The following RAP1GDS1 variants were observed in gnomAD, a reference collection of about 807,000 sequenced individuals.
The protein encoded by RAP1GDS1 is Rap1 GTPase-GDP dissociation stimulator 1.
Under a neutral mutation model 71.1 loss-of-function variants are expected in RAP1GDS1, and 35 were observed. The observed-to-expected ratio is 0.49, with a 90% CI of 0.38 to 0.65. The LOEUF (loss-of-function observed/expected upper bound fraction) is 0.65. RAP1GDS1 is among the 30% of genes least tolerant of loss of function. The pLI is 0.00. For synonymous variants in RAP1GDS1, 229 were observed against 243.1 expected, an observed-to-expected ratio of 0.94 and a Z score of 0.54; for missense variants, 663 against 706.1, an observed-to-expected ratio of 0.94 and a Z score of 0.69.
intron 5 of RAP1GDS1, among the ~76,000 whole-genome samples, chr4:98,389,605 C>G (rs1743299956): frequency 6.6e-6 from 1 of 152,148 alleles, no homozygotes; most frequent in African/African-American, 2.4e-5. Context: ...TGAATTATGG[C>G]AATACCTACA....
chr4:98,431,172 C>G (rs1447573496), intron 12 of RAP1GDS1, among the ~76,000 whole-genome samples: 1 of 152,134 alleles, frequency 6.6e-6, no homozygotes, highest in African/African-American at 2.4e-5. Flanking sequence ...CTTGTTTAAA[C>G]AAATGTATTT....
chr4:98,424,754 C>T (rs2110200329), intron 12 of RAP1GDS1, among the ~76,000 whole-genome samples: 1 of 128,500 alleles, frequency 7.8e-6, no homozygotes, highest in South Asian at 2.4e-4. Flanking sequence ...GAGCAAGACT[C>T]CCAAGACTCT....
chr4:98,355,845 G>C (rs771397486), intron 4 of RAP1GDS1, among the ~76,000 whole-genome samples: 8 of 152,226 alleles, frequency 5.3e-5, no homozygotes, highest in Non-Finnish European at 1.5e-5. Flanking sequence ...ACCGCTAAAT[G>C]GGACGGAGTA....
chr4:98,273,355 T>C (rs1003684372), intron 1 of RAP1GDS1, among the ~76,000 whole-genome samples: 2 of 152,154 alleles, frequency 1.3e-5, no homozygotes, highest in Non-Finnish European at 2.9e-5. Flanking sequence ...AAAACTGCAG[T>C]TATGTTGCGC....
chr4:98,331,923 A>G (rs868063632), intron 2 of RAP1GDS1, among the ~76,000 whole-genome samples: 18 of 152,200 alleles, frequency 1.2e-4, no homozygotes, highest in Non-Finnish European at 2.2e-4. Flanking sequence ...GTAATAATCA[A>G]AAGACTTCAA....
chr4:98,427,405 G>T (rs1047680646), intron 12 of RAP1GDS1, among the ~76,000 whole-genome samples: 1 of 152,014 alleles, frequency 6.6e-6, no homozygotes, highest in African/African-American at 2.4e-5. Flanking sequence ...CATCCACATC[G>T]GTAAAGAGGA....
chr4:98,397,798 T>C (rs1234729096), intron 6 of RAP1GDS1, among the ~76,000 whole-genome samples: 1 of 152,166 alleles, frequency 6.6e-6, no homozygotes, highest in Non-Finnish European at 1.5e-5. Flanking sequence ...AGAGGGTTTC[T>C]TGATGGAGGA....
At chr4:98,293,663 C>A in intron 2 of RAP1GDS1, 148 bp downstream of exon 2, 1 of 656,998 alleles carries the variant, frequency 1.5e-6, no homozygotes, top group South Asian at 2.0e-5. Flanking sequence ...GATTGTTTTA[C>A]ATGTTCTACC....
intron 5 of RAP1GDS1, among the ~76,000 whole-genome samples, chr4:98,386,023 C>T (rs1742691288): frequency 6.6e-6 from 1 of 151,302 alleles, no homozygotes; most frequent in Non-Finnish European, 1.5e-5. Flanking sequence ...TTAATAAATG[C>T]TGCTTAAGCA....
intron 12 of RAP1GDS1, 152 bp downstream of exon 12, chr4:98,421,546 T>C (rs757242988): frequency 3.6e-6 from 3 of 835,760 alleles, no homozygotes; most frequent in Non-Finnish European, 4.9e-6. Flanking sequence ...AGCTGATACA[T>C]GGGATATAGG....
At chr4:98,311,494 G>A (rs1329185741) in intron 2 of RAP1GDS1, among the ~76,000 whole-genome samples, 1 of 152,140 alleles carries the variant, frequency 6.6e-6, no homozygotes, top group Admixed American at 6.5e-5. Flanking sequence ...GAACACCGTA[G>A]GAAAAATCTT....
Position 98,377,171 on chromosome 4 carries a change from A to T in RAP1GDS1, c.362-1846A>T, listed in dbSNP as rs75222468. Among the ~76,000 whole-genome samples, 33 of 151,998 alleles carry T rather than the reference A, an allele frequency of 2.2e-4. No individual in the cohort carries two copies. The East Asian group carries it at 6.2e-3, about 28-fold the overall frequency. On this transcript the variant is annotated intron_variant, in intron 4 of 14. Transcript: ENST00000408927. ...TCTAAGTAAGTCCTAAGCATACATGATTTATATTTCAAAAGCCCAGTTTAC... is the reference window on the plus strand; with the variant it reads ...TCTAAGTAAGTCCTAAGCATACATGTTTTATATTTCAAAAGCCCAGTTTAC...
chr4:98,321,846 A>G (rs1339342927), intron 2 of RAP1GDS1, among the ~76,000 whole-genome samples: 1 of 115,862 alleles, frequency 8.6e-6, no homozygotes, highest in African/African-American at 3.4e-5. Context: ...CGAGACTAGG[A>G]AGAAACTGCA....
intron 2 of RAP1GDS1, among the ~76,000 whole-genome samples, chr4:98,296,747 A>G (rs1199735784): frequency 6.6e-6 from 1 of 152,180 alleles, no homozygotes; most frequent in Non-Finnish European, 1.5e-5. Flanking sequence ...ATGTAAAACA[A>G]TAGGCCACCT....
intron 4 of RAP1GDS1, among the ~76,000 whole-genome samples, chr4:98,356,800 G>C (rs41525749): frequency 0.046 from 6,972 of 151,982 alleles, 396 homozygotes; most frequent in African/African-American, 0.13. Flanking sequence ...AAATGAGGTA[G>C]TAATCAGTCT....
At chr4:98,412,480 G>A (rs748644917) in intron 7 of RAP1GDS1, among the ~76,000 whole-genome samples, 106 of 152,100 alleles carry the variant, frequency 7.0e-4, no homozygotes, top group Non-Finnish European at 1.2e-3. Context: ...ATACCACTGC[G>A]CTCCAGCCTG....
chr4:98,343,620 A>G (rs1735808117), intron 3 of RAP1GDS1, among the ~76,000 whole-genome samples: 1 of 152,154 alleles, frequency 6.6e-6, no homozygotes, highest in Non-Finnish European at 1.5e-5. Context: ...TGTTTGTGTT[A>G]TACCCACATA....
At chr4:98,263,310 T>C (rs1481634483) in intron 1 of RAP1GDS1, among the ~76,000 whole-genome samples, 1 of 152,230 alleles carries the variant, frequency 6.6e-6, no homozygotes, top group Non-Finnish European at 1.5e-5. Flanking sequence ...AAACAATCCA[T>C]TTAACATTTT....
intron 5 of RAP1GDS1, among the ~76,000 whole-genome samples, chr4:98,389,615 A>T (rs1743301197): frequency 6.6e-6 from 1 of 152,154 alleles, no homozygotes; most frequent in African/African-American, 2.4e-5. Flanking sequence ...CAATACCTAC[A>T]ATGTGCCATT....
Sources: gnomAD v4.1 joint callset for allele counts (sites outside exome capture counted in the v4.1 genomes callset) on GRCh38, gnomAD v4.1.1 for gene constraint, MANE v1.5 for transcripts, NCBI Gene and HGNC (gene_info 2026-07-23, HGNC 2026-07-21) for gene names.